Variants in GPN3 observed in about 807,000 individuals in gnomAD.
GPN3 encodes the protein GPN-loop GTPase 3.
Under a neutral mutation model 38.7 loss-of-function variants are expected in GPN3, and 31 were observed. That is an observed-to-expected ratio of 0.80 (90% CI 0.60 to 1.08). GPN3 has a LOEUF of 1.08. Ranked by LOEUF, GPN3 falls within the 50% of genes least tolerant of loss-of-function variation. GPN3 has a pLI of 0.00. For missense variants in GPN3, 301 were observed against 354.4 expected (o/e 0.85, Z 1.21); for synonymous variants, 116 against 120.2 (o/e 0.96, Z 0.23).
chr12:110,459,240 G>GAT (rs531080072), intron 3 of GPN3, among the ~76,000 whole-genome samples: 1 of 142,394 alleles, frequency 7.0e-6, no homozygotes, highest in Admixed American at 7.1e-5. Flanking sequence ...ACTTTTTTTT[G>GAT]TTTTTTTTTT....
At chr12:110,453,979 C>CATCAG in intron 6 of GPN3, 108 bp from the exon 7 acceptor site, 1 of 751,576 alleles carries the variant, frequency 1.3e-6, no homozygotes, top group Non-Finnish European at 2.2e-6. Flanking sequence ...AATAAAAACA[C>CATCAG]TGATGTGTTT....
In GPN3 at chr12:110,468,182, C is replaced by G; in HGVS notation, c.22G>C (p.Val8Leu). The G allele has an allele frequency of 6.2e-7, 1 of 1,611,982 alleles. No individual in the cohort carries two copies. The highest frequency in any genetic ancestry group is 8.5e-7 in the Non-Finnish European group (1 of 1,180,018). MPRYAQL[V>L]MGPAGSGKST... ...TTCCCGCTGCCCGCGGGGCCCATGA[C>G]CAGCTGCGCATACCGAGGCATGTTG... Residue 8 changes from valine to leucine, a missense_variant, in exon 1 of 8, where the codon GTC becomes CTC. By Grantham distance (32) the Val-to-Leu change is conservative. Transcript: ENST00000228827.
rs556729070 is a variant in GPN3 at position 110,453,825 on chromosome 12, T to C, written c.710A>G (p.Asp237Gly). 6.9e-6 allele frequency: 11 copies of C among 1,599,744 alleles called. No individual in the cohort carries two copies. In the East Asian group the frequency reaches 2.5e-4, roughly 36 times the overall value. The change falls in exon 7 of 8, where the codon GAT becomes GGT. Residue 237 changes from aspartate to glycine, a missense_variant. Asp to Gly is a moderately conservative substitution (Grantham distance 94). Coordinates refer to ENST00000228827, the MANE Select transcript of GPN3 (RefSeq NM_016301.4). ...MVRFLPYDQS[D>G]EESMNIVLQH... is the part of the protein sequence containing the mutation. Reference sequence around the variant, plus strand: ...CAATACAATGTTCATGCTTTCTTCATCTGACTGATCGTAAGGTAAAAATCG... The same window carrying C: ...CAATACAATGTTCATGCTTTCTTCACCTGACTGATCGTAAGGTAAAAATCG...
chr12:110,456,550 A>C (rs138554635), intron 4 of GPN3, among the ~76,000 whole-genome samples: 1 of 152,146 alleles, frequency 6.6e-6, no homozygotes, highest in African/African-American at 2.4e-5. Flanking sequence ...TTCCTTTCCC[A>C]TCTAATATTC....
In GPN3 at chr12:110,458,080, C is replaced by A. The variant is rs2062562993; in HGVS notation, c.326-446G>T. ...GCAGTGAGCCAAGATCACGCCACTG[C>A]ACTCCAGCCTGGGCGACAGAGTAAG... On this transcript the variant is annotated intron_variant, in intron 3 of 7. Transcript: ENST00000228827. This position sits in a 1 kb window ranked among gnomAD's most constrained non-coding sequence, Gnocchi z 4.4. Among the ~76,000 whole-genome samples the A allele has an allele frequency of 6.6e-6, 1 of 152,046 alleles. No homozygotes were observed. The highest frequency in any genetic ancestry group is 2.4e-5 in the African/African-American group (1 of 41,388).
intron 3 of GPN3, 97 bp from the exon 4 acceptor site, chr12:110,457,731 A>G: frequency 1.2e-6 from 1 of 837,168 alleles, no homozygotes; most frequent in South Asian, 2.2e-5. Context: ...GACAAAAATA[A>G]AAGCCAACAC....
rs1197631880 is a variant in GPN3 at position 110,465,207 on chromosome 12, T to C, written c.56A>G (p.Tyr19Cys). Reference sequence around the variant, plus strand: ...ACAGTGCTGGACCATGGTGGCACAGTAGGTGCTCTGTAATGTCACAAGGCA... The same window carrying C: ...ACAGTGCTGGACCATGGTGGCACAGCAGGTGCTCTGTAATGTCACAAGGCA... ...MGPAGSGKSTYCATMVQHCEA... is the reference protein window; with the variant it reads ...MGPAGSGKSTCCATMVQHCEA... Residue 19 changes from tyrosine to cysteine, a missense_variant, in exon 2 of 8, where the codon TAC becomes TGC. Physicochemically the swap from Tyr to Cys is radical, Grantham distance 194. Transcript: ENST00000228827. The C allele has an allele frequency of 6.3e-7, 1 of 1,590,456 alleles. No individual in the cohort carries two copies. Among genetic ancestry groups the C allele is most frequent in the African/African-American group, 1.3e-5 (1 of 74,508 alleles).
At chr12:110,459,240 G>GTTT (rs60209835) in intron 3 of GPN3, among the ~76,000 whole-genome samples, 20 of 142,386 alleles carry the variant, frequency 1.4e-4, no homozygotes, top group South Asian at 2.2e-4. Flanking sequence ...ACTTTTTTTT[G>GTTT]TTTTTTTTTT....
intron 3 of GPN3, 87 bp downstream of exon 3, chr12:110,459,608 G>C: frequency 3.3e-6 from 3 of 901,548 alleles, no homozygotes; most frequent in Non-Finnish European, 5.4e-6. Flanking sequence ...ATAGTTTAGA[G>C]CTACAAATAC....
intron 1 of GPN3, among the ~76,000 whole-genome samples, chr12:110,467,052 G>A (rs530246343): frequency 3.0e-4 from 46 of 151,554 alleles, no homozygotes; most frequent in Non-Finnish European, 5.7e-4. Context: ...GCAGTGGCAC[G>A]ATCACCACTC....
At chr12:110,463,317 A>T (rs2062604124) in intron 2 of GPN3, among the ~76,000 whole-genome samples, 1 of 151,758 alleles carries the variant, frequency 6.6e-6, no homozygotes, top group Non-Finnish European at 1.5e-5. Flanking sequence ...TTACCCAGGC[A>T]TGATAGTGTG....
At chr12:110,468,383 A>C, upstream of GPN3, 2 of 1,523,420 alleles carry the variant, frequency 1.3e-6, no homozygotes, top group Non-Finnish European at 1.8e-6. Context: ...GTCCTGAGAA[A>C]AAAGGGGAGG....
intron 1 of GPN3, among the ~76,000 whole-genome samples, chr12:110,467,108 C>T (rs1592969679): frequency 6.6e-6 from 1 of 152,102 alleles, no homozygotes; most frequent in Admixed American, 6.6e-5. Flanking sequence ...CCCACTTCAG[C>T]TTCCCGAGAA....
intron 3 of GPN3, 79 bp from the exon 4 acceptor site, chr12:110,457,713 A>G (rs1467286876): frequency 1.9e-6 from 2 of 1,073,042 alleles, no homozygotes; most frequent in Non-Finnish European, 2.6e-6. Flanking sequence ...AATTTTCCCC[A>G]TAAGATGGAC....
chr12:110,456,688 C>A (rs888491369), intron 4 of GPN3, among the ~76,000 whole-genome samples: 2 of 147,960 alleles, frequency 1.4e-5, no homozygotes, highest in Admixed American at 6.7e-5. Flanking sequence ...CCCACTACTT[C>A]CTCTTTTTTT....
At chr12:110,466,325 C>T (rs770414975) in intron 1 of GPN3, among the ~76,000 whole-genome samples, 1 of 152,034 alleles carries the variant, frequency 6.6e-6, no homozygotes, top group African/African-American at 2.4e-5. Flanking sequence ...GGATAAAGAA[C>T]GTACTCAAGG....
Position 110,453,776 on chromosome 12 carries a change from T to C in GPN3, c.759A>G (p.Gln253=), listed in dbSNP as rs1041728474. Residue 253 remains glutamine, a synonymous_variant, in exon 7 of 8, where the codon CAA becomes CAG. Coordinates refer to ENST00000228827, the MANE Select transcript of GPN3 (RefSeq NM_016301.4). ...IVLQHIDFAI[Q]YGEDLEFKEP... ...CTTTAAATTCTAGGTCTTCTCCATA[T>C]TGAATGGCAAAATCAATATGCTGCA... 4.4e-6 allele frequency: 7 copies of C among 1,601,474 alleles called. No individual in the cohort carries two copies. The highest frequency in any genetic ancestry group is 2.2e-5 in the South Asian group (2 of 90,784).
intron 4 of GPN3, among the ~76,000 whole-genome samples, chr12:110,456,464 T>G (rs1374233131): frequency 6.6e-6 from 1 of 152,066 alleles, no homozygotes; most frequent in Non-Finnish European, 1.5e-5. Context: ...AATGCTTGAT[T>G]CTTGGTTCCC....
At chr12:110,468,487 C>G (rs1314600284), upstream of GPN3, 1 of 1,537,196 alleles carries the variant, frequency 6.5e-7, no homozygotes, top group South Asian at 1.2e-5. Flanking sequence ...TAATAACGGA[C>G]AACAGATAAA....
Sources: gnomAD v4.1 joint callset for allele counts (sites outside exome capture counted in the v4.1 genomes callset) on GRCh38, gnomAD v4.1.1 for gene constraint, Gnocchi (gnomAD v3.1) non-coding constraint, MANE v1.5 for transcripts, NCBI Gene and HGNC (gene_info 2026-07-23, HGNC 2026-07-21) for gene names.